The following ARHGEF9 variants were observed in gnomAD, a reference collection of about 807,000 sequenced individuals.
ARHGEF9 encodes Cdc42 guanine nucleotide exchange factor 9, also known as rho guanine nucleotide exchange factor 9.
Under a neutral mutation model 41.3 loss-of-function variants are expected in ARHGEF9, and 2 were observed. The ratio of observed to expected loss-of-function variants is 0.05; its 90% CI spans 0.02 to 0.15. ARHGEF9 has a LOEUF of 0.15. Among genes scored for constraint, ARHGEF9 ranks in the 10% least tolerant of loss-of-function variants. The pLI is 1.00. For synonymous variants in ARHGEF9, 160 were observed against 154.4 expected (o/e 1.04, Z -0.27); for missense variants, 225 against 424.7 (o/e 0.53, Z 4.13).
Position 63,637,536 on chromosome X carries a change from C to A in ARHGEF9, c.*492G>T. The stretch of plus-strand genomic sequence containing the variant: ...GAGGGGAAAAAACCCTGAAACCTCC[C>A]AACTCTACCACATCAAATAAAATTA... On this transcript the variant is annotated 3_prime_UTR_variant, in exon 10 of 10. Transcript: ENST00000671741. 1 of 264,720 alleles carries A rather than the reference C, an allele frequency of 3.8e-6. No individual in the cohort carries two copies. The highest frequency in any genetic ancestry group is 6.7e-6 in the Non-Finnish European group (1 of 150,338). The allele number at this position is 264,720 out of a possible 1,213,427, so 21.8% of individuals were successfully genotyped here.
At chrX:63,780,864 T>C (rs1245628009) in intron 1 of ARHGEF9, among the ~76,000 whole-genome samples, 1 of 111,944 alleles carries the variant, frequency 8.9e-6, no homozygotes, top group East Asian at 2.8e-4. Context: ...TTCAAAATCA[T>C]TCAAGATACC....
At chrX:63,721,488 C>A (rs1233148936) in intron 2 of ARHGEF9, among the ~76,000 whole-genome samples, 2 of 111,196 alleles carry the variant, frequency 1.8e-5, no homozygotes, top group Non-Finnish European at 3.8e-5. Context: ...AACAGGTTGT[C>A]ATGTGTCCTG....
intron 3 of ARHGEF9, among the ~76,000 whole-genome samples, chrX:63,704,513 C>T (rs1212762945): frequency 1.8e-5 from 2 of 111,061 alleles, no homozygotes; most frequent in Admixed American, 1.9e-4. Flanking sequence ...TAGCACATTC[C>T]GAGGGGGAAT....
intron 1 of ARHGEF9, among the ~76,000 whole-genome samples, chrX:63,742,628 G>A (rs1441628826): frequency 9.0e-6 from 1 of 111,692 alleles, no homozygotes; most frequent in Non-Finnish European, 1.9e-5. Context: ...CCCATCCTTT[G>A]GGATGACCAT....
At chrX:63,673,471 T>TGGC (rs2050080346) in intron 6 of ARHGEF9, among the ~76,000 whole-genome samples, 1 of 111,416 alleles carries the variant, frequency 9.0e-6, no homozygotes, top group Non-Finnish European at 1.9e-5. Context: ...AGAGAAGTCA[T>TGGC]GGCTGTCTGC....
intron 3 of ARHGEF9, among the ~76,000 whole-genome samples, chrX:63,698,346 A>G (rs1232984518): frequency 3.6e-5 from 4 of 110,127 alleles, no homozygotes; most frequent in African/African-American, 1.3e-4. Flanking sequence ...GACTCAAGGC[A>G]TACTTAAGTC....
intron 7 of ARHGEF9, among the ~76,000 whole-genome samples, chrX:63,660,427 C>A (rs781950892): frequency 1.8e-5 from 2 of 111,542 alleles, no homozygotes; most frequent in Admixed American, 9.5e-5. Context: ...GAATAAAAAA[C>A]CACCTATTGG....
chrX:63,702,753 A>G (rs1556397130), intron 3 of ARHGEF9, among the ~76,000 whole-genome samples: 3 of 112,202 alleles, frequency 2.7e-5, no homozygotes, highest in Admixed American at 9.4e-5. Context: ...AATGGTACCA[A>G]GAAGGAAGAA....
At chrX:63,666,417 T>TAC (rs781937350) in intron 6 of ARHGEF9, among the ~76,000 whole-genome samples, 1,051 of 89,381 alleles carry the variant, frequency 0.012, 11 homozygotes, top group African/African-American at 0.039. Context: ...TATATATATA[T>TAC]ACACACACAC....
In ARHGEF9 at chrX:63,685,649, T is replaced by TA. The variant is rs1344178818; in HGVS notation, c.583-7078dup. Among the ~76,000 whole-genome samples, 3 of 111,883 alleles carry TA rather than the reference T, an allele frequency of 2.7e-5. No individual in the cohort carries two copies. The Admixed American group carries it at 2.8e-4, about 11-fold the overall frequency. ...GATCACTAGAACAGAAGAGTATACCTAAAAATAGATCTGCACATATATGCT... is the reference window on the plus strand; with the variant it reads ...GATCACTAGAACAGAAGAGTATACCTAAAAAATAGATCTGCACATATATGCT... On this transcript the variant is annotated intron_variant, in intron 4 of 9. Coordinates refer to ENST00000671741, the MANE Select transcript of ARHGEF9 (RefSeq NM_001353921.2).
At chrX:63,754,590 C>G (rs1189989080) in intron 1 of ARHGEF9, 8 of 1,071,678 alleles carry the variant, frequency 7.5e-6, no homozygotes, top group Non-Finnish European at 9.6e-6. Flanking sequence ...TGGTGCAATG[C>G]AGAACACTGT....
At chrX:63,677,462 T>C (rs2050327528) in intron 5 of ARHGEF9, among the ~76,000 whole-genome samples, 1 of 111,956 alleles carries the variant, frequency 8.9e-6, no homozygotes, top group Admixed American at 9.5e-5. Context: ...CATCAGCCTT[T>C]AGTTGCCTTC....
intron 2 of ARHGEF9, chrX:63,707,354 G>A (rs1556403119): frequency 9.9e-6 from 1 of 100,841 alleles, no homozygotes; most frequent in African/African-American, 3.7e-5. Context: ...GAAGGCAGTG[G>A]GAAGCTAAAA....
chrX:63,689,204 A>G (rs782752205), intron 4 of ARHGEF9, among the ~76,000 whole-genome samples: 3 of 111,727 alleles, frequency 2.7e-5, no homozygotes, highest in African/African-American at 6.5e-5. Flanking sequence ...GATTAAAAAA[A>G]ACAGCATCCA....
chrX:63,669,916 G>T (rs1360566591), intron 6 of ARHGEF9, among the ~76,000 whole-genome samples: 3 of 111,993 alleles, frequency 2.7e-5, no homozygotes, highest in African/African-American at 9.8e-5. Flanking sequence ...CTAGAATAAG[G>T]TCTGACACAG....
At chrX:63,661,093 G>C (rs1398136132) in intron 7 of ARHGEF9, among the ~76,000 whole-genome samples, 2 of 112,206 alleles carry the variant, frequency 1.8e-5, no homozygotes, top group Non-Finnish European at 3.8e-5. Flanking sequence ...TTAAGAGACA[G>C]AGTAAAGTTA....
At chrX:63,763,344 A>G (rs1457703334) in intron 1 of ARHGEF9, among the ~76,000 whole-genome samples, 2 of 111,448 alleles carry the variant, frequency 1.8e-5, no homozygotes, top group Non-Finnish European at 3.8e-5. Flanking sequence ...ACACATTTTT[A>G]TAGTTTGATT....
intron 1 of ARHGEF9, among the ~76,000 whole-genome samples, chrX:63,746,259 T>C (rs1157026525): frequency 8.9e-6 from 1 of 112,222 alleles, no homozygotes; most frequent in Non-Finnish European, 1.9e-5. Flanking sequence ...CCAATTCCCA[T>C]CAGGGGCCTG....
chrX:63,660,536 G>C (rs2049152070), intron 7 of ARHGEF9, among the ~76,000 whole-genome samples: 1 of 111,484 alleles, frequency 9.0e-6, no homozygotes, highest in Non-Finnish European at 1.9e-5. Flanking sequence ...ACCCCCTAAA[G>C]CTAAAATAAA....
Sources: gnomAD v4.1 joint callset for allele counts (sites outside exome capture counted in the v4.1 genomes callset) on GRCh38, gnomAD v4.1.1 for gene constraint, MANE v1.5 for transcripts, NCBI Gene and HGNC (gene_info 2026-07-23, HGNC 2026-07-21) for gene names.